LRRIQ1: variants seen among roughly 807,000 people sequenced by gnomAD.
The protein encoded by LRRIQ1 is leucine-rich repeat- and IQ domain-containing protein 1.
In LRRIQ1, 210 loss-of-function variants were observed where a neutral mutation model predicts 211.9. That is an observed-to-expected ratio of 0.99 (90% CI 0.89 to 1.11). The LOEUF (loss-of-function observed/expected upper bound fraction) is 1.11. Among genes scored for constraint, LRRIQ1 ranks in the 50% most tolerant of loss-of-function variants. The probability of loss-of-function intolerance (pLI) is 0.00; values close to 1 mark genes in which losing one functional copy is unlikely to be tolerated. For missense variants in LRRIQ1, 2,136 were observed against 1,939.5 expected (o/e 1.10, Z -1.90); for synonymous variants, 699 against 650.1 (o/e 1.08, Z -1.14).
chr12:85,172,892 A>G (rs909931083), intron 24 of LRRIQ1, among the ~76,000 whole-genome samples: 2 of 151,978 alleles, frequency 1.3e-5, no homozygotes, highest in Non-Finnish European at 2.9e-5. Flanking sequence ...GTGGATCACA[A>G]GATCAAGAGA....
intron 17 of LRRIQ1, among the ~76,000 whole-genome samples, chr12:85,127,232 A>G (rs1888432511): frequency 1.3e-5 from 2 of 152,228 alleles, no homozygotes; most frequent in African/African-American, 4.8e-5. Flanking sequence ...GAGATATGGA[A>G]AACACATAAC....
intron 15 of LRRIQ1, among the ~76,000 whole-genome samples, chr12:85,118,665 T>G (rs538256289): frequency 6.6e-6 from 1 of 152,198 alleles, no homozygotes; most frequent in South Asian, 2.1e-4. Context: ...GGGCCACTTC[T>G]TTTGTAATAC....
intron 19 of LRRIQ1, among the ~76,000 whole-genome samples, chr12:85,144,581 C>T (rs1261394454): frequency 1.3e-5 from 2 of 151,204 alleles, no homozygotes; most frequent in Non-Finnish European, 1.5e-5. Flanking sequence ...GTATGTAAGG[C>T]TTGAAATAGG....
At position 85,056,925 on chromosome 12, in the gene LRRIQ1, T is replaced by C. The variant is rs747881294; in HGVS notation, c.2132T>C (p.Ile711Thr). 6.2e-7 allele frequency: 1 copy of C among 1,612,938 alleles called. No individual in the cohort carries two copies. Among genetic ancestry groups the C allele is most frequent in the Non-Finnish European group, 8.5e-7 (1 of 1,179,412 alleles). Reference protein sequence around the residue: ...VNSLKSEIRNISEKCHENAPE... With the variant: ...VNSLKSEIRNTSEKCHENAPE... Reference sequence around the variant, plus strand: ...TCTCTTAAATCTGAGATTAGAAATATTTCAGAAAAATGCCATGAAAATGCA... The same window carrying C: ...TCTCTTAAATCTGAGATTAGAAATACTTCAGAAAAATGCCATGAAAATGCA... Residue 711 changes from isoleucine (I) to threonine (T), a missense_variant, in exon 8 of 27, where the codon ATT becomes ACT. Coordinates refer to ENST00000393217, the MANE Select transcript of LRRIQ1 (RefSeq NM_001079910.2).
intron 8 of LRRIQ1, among the ~76,000 whole-genome samples, chr12:85,060,898 G>A (rs959993591): frequency 6.6e-6 from 1 of 151,688 alleles, no homozygotes; most frequent in Non-Finnish European, 1.5e-5. Context: ...ATCTACAATG[G>A]GCTGTAAAGG....
At chr12:85,156,158 C>T (rs1414996418) in intron 23 of LRRIQ1, among the ~76,000 whole-genome samples, 1 of 151,506 alleles carries the variant, frequency 6.6e-6, no homozygotes. Context: ...TTCTTATTAC[C>T]GTGTAAGGTT....
intron 15 of LRRIQ1, among the ~76,000 whole-genome samples, chr12:85,107,253 A>G (rs1396621091): frequency 2.0e-5 from 3 of 152,106 alleles, no homozygotes; most frequent in Non-Finnish European, 2.9e-5. Context: ...TACATAGCAT[A>G]ATTTTTATCA....
At chr12:85,271,073 C>T in the LRRIQ1 span, among the ~76,000 whole-genome samples, 1 of 152,028 alleles carries the variant, frequency 6.6e-6, no homozygotes, top group Non-Finnish European at 1.5e-5. Context: ...CAGCTTAAGG[C>T]AAAATATAAG....
At chr12:85,202,984 G>A (rs186103811) in intron 24 of LRRIQ1, among the ~76,000 whole-genome samples, 1 of 152,026 alleles carries the variant, frequency 6.6e-6, no homozygotes, top group East Asian at 1.9e-4. Flanking sequence ...CTGGTGGTAG[G>A]AATTTGATAC....
downstream of LRRIQ1, among the ~76,000 whole-genome samples, chr12:85,266,251 T>C (rs559383696): frequency 6.6e-6 from 1 of 152,216 alleles, no homozygotes. Flanking sequence ...TAGCACAATT[T>C]GCACTGTGAT....
At position 85,077,128 on chromosome 12, in the gene LRRIQ1, G is replaced by T. The variant is rs145988781; in HGVS notation, c.2887+4030G>T. 2.0e-4 allele frequency among the ~76,000 whole-genome samples: 31 copies of T among 152,246 alleles called. No homozygotes were observed. In the East Asian group the frequency reaches 5.4e-3, roughly 27 times the overall value. ...TGGCAATCAGTGAACAGCTGAAGGA[G>T]GTTGATCTTCAGTGAAAAACCTCCA... On this transcript the variant is annotated intron_variant, in intron 11 of 26. Transcript: ENST00000393217.
At chr12:85,059,687 G>C (rs929892300) in intron 8 of LRRIQ1, among the ~76,000 whole-genome samples, 2 of 151,882 alleles carry the variant, frequency 1.3e-5, no homozygotes, top group Non-Finnish European at 1.5e-5. Flanking sequence ...ATGGATGAGT[G>C]GGGGGATGAA....
intron 24 of LRRIQ1, among the ~76,000 whole-genome samples, chr12:85,204,471 ACACT>A (rs1314927119): frequency 6.6e-6 from 1 of 152,192 alleles, no homozygotes; most frequent in Non-Finnish European, 1.5e-5. Flanking sequence ...AAAGCAGCAG[ACACT>A]CAGTGCCAGC....
At chr12:85,054,146 T>C (rs1027015203) in intron 7 of LRRIQ1, among the ~76,000 whole-genome samples, 1 of 152,230 alleles carries the variant, frequency 6.6e-6, no homozygotes, top group African/African-American at 2.4e-5. Flanking sequence ...ACTGGTTTTC[T>C]ACTAGGTCAG....
intron 15 of LRRIQ1, among the ~76,000 whole-genome samples, chr12:85,121,225 T>C (rs1447801793): frequency 6.6e-6 from 1 of 152,174 alleles, no homozygotes; most frequent in Non-Finnish European, 1.5e-5. Context: ...CAGATCATGA[T>C]AAACAGGGTA....
chr12:85,109,607 T>C (rs1442722380), intron 15 of LRRIQ1, among the ~76,000 whole-genome samples: 1 of 152,098 alleles, frequency 6.6e-6, no homozygotes, highest in Admixed American at 6.6e-5. Flanking sequence ...AAGGTGTGTC[T>C]CTTGACCAGC....
chr12:85,190,373 TA>T (rs1448926497), intron 24 of LRRIQ1, among the ~76,000 whole-genome samples: 1 of 146,778 alleles, frequency 6.8e-6, no homozygotes, highest in Non-Finnish European at 1.5e-5. Flanking sequence ...ATACAGTTAA[TA>T]AATATACAGT....
At chr12:85,169,177 TAGTATC>T (rs1398174451) in intron 24 of LRRIQ1, among the ~76,000 whole-genome samples, 2 of 152,164 alleles carry the variant, frequency 1.3e-5, no homozygotes, top group African/African-American at 4.8e-5. Context: ...TTGGAAAAGA[TAGTATC>T]AGTAGAAATC....
chr12:85,243,173 C>A (rs1447606725), intron 26 of LRRIQ1, among the ~76,000 whole-genome samples: 4 of 147,238 alleles, frequency 2.7e-5, no homozygotes, highest in African/African-American at 1.0e-4. Flanking sequence ...TGTGGTATTG[C>A]TTTGATATTT....
Sources: gnomAD v4.1 joint callset for allele counts (sites outside exome capture counted in the v4.1 genomes callset) on GRCh38, gnomAD v4.1.1 for gene constraint, MANE v1.5 for transcripts, NCBI Gene and HGNC (gene_info 2026-07-23, HGNC 2026-07-21) for gene names.